PRKN: variants seen among roughly 807,000 people sequenced by gnomAD.
PRKN encodes parkin RBR E3 ubiquitin protein ligase, also known as E3 ubiquitin-protein ligase parkin.
Under a neutral mutation model 59.5 loss-of-function variants are expected in PRKN, and 56 were observed. That is an observed-to-expected ratio of 0.94 (90% confidence interval 0.76 to 1.18). The LOEUF is 1.18. Among genes scored for constraint, PRKN ranks in the 50% most tolerant of loss-of-function variants. PRKN has a pLI of 0.00. For synonymous variants in PRKN, 250 were observed against 222.1 expected (o/e 1.13, Z -1.12); for missense variants, 657 against 596.4 (o/e 1.10, Z -1.06).
chr6:162,154,886 C>T (rs1031713057), intron 4 of PRKN, among the ~76,000 whole-genome samples: 1 of 150,962 alleles, frequency 6.6e-6, no homozygotes, highest in African/African-American at 2.4e-5. Flanking sequence ...TTCTCTCTCA[C>T]CAGTATAAAA....
chr6:162,147,189 A>G (rs1038251941), intron 4 of PRKN, among the ~76,000 whole-genome samples: 1 of 151,296 alleles, frequency 6.6e-6, no homozygotes, highest in African/African-American at 2.4e-5. Flanking sequence ...AAAAACACAA[A>G]AATTACCCAC....
chr6:162,698,714 C>T (rs1160307622), intron 1 of PRKN, among the ~76,000 whole-genome samples: 3 of 152,216 alleles, frequency 2.0e-5, no homozygotes, highest in African/African-American at 7.2e-5. Context: ...AGCATCTCTG[C>T]TTCTCTTCAC....
intron 6 of PRKN, among the ~76,000 whole-genome samples, chr6:161,939,038 A>G (rs920008873): frequency 6.6e-6 from 1 of 152,200 alleles, no homozygotes; most frequent in Non-Finnish European, 1.5e-5. Context: ...AAAGAAATCA[A>G]TATTAGGGGA....
At position 161,377,036 on chromosome 6, in the gene PRKN, T is replaced by G. The variant is rs141226591; in HGVS notation, c.1167+9758A>C. The stretch of plus-strand genomic sequence containing the variant: ...GAGCAAAGGGCAGGGTCAGGCGGCA[T>G]GCAAGCGCCCTGTCTCTGCGGCTGT... On this transcript the variant is annotated intron_variant, in intron 10 of 11. Coordinates refer to ENST00000366898, the MANE Select transcript of PRKN (RefSeq NM_004562.3). The surrounding 1 kb of genome is among the most constrained non-coding windows in gnomAD (Gnocchi z 4.2). Among the ~76,000 whole-genome samples, 223 of 152,336 alleles carry G rather than the reference T, an allele frequency of 1.5e-3. 1 individual carries two copies. The highest frequency in any genetic ancestry group is 5.3e-3 in the African/African-American group (220 of 41,590).
chr6:161,524,304 T>C (rs1562503810), intron 9 of PRKN, among the ~76,000 whole-genome samples: 1 of 152,224 alleles, frequency 6.6e-6, no homozygotes, highest in Non-Finnish European at 1.5e-5. Context: ...TAGAAAAAAA[T>C]TGTTTTGTGT....
rs190925369 is a variant in PRKN at position 162,486,405 on chromosome 6, T to C, written c.8-42932A>G. Reference sequence around the variant, plus strand: ...ACCACATTTTTTTCTTTTGGTGTCATGGTGTACCACACCACGTGCATATCA... The same window carrying C: ...ACCACATTTTTTTCTTTTGGTGTCACGGTGTACCACACCACGTGCATATCA... On this transcript the variant is annotated intron_variant, in intron 1 of 11. Transcript: ENST00000366898. 1.2e-3 allele frequency among the ~76,000 whole-genome samples: 177 copies of C among 152,346 alleles called. 1 individual carries two copies. The highest frequency in any genetic ancestry group is 2.0e-3 in the Non-Finnish European group (133 of 68,026).
At chr6:162,296,828 C>G (rs1179361946) in intron 2 of PRKN, among the ~76,000 whole-genome samples, 1 of 152,148 alleles carries the variant, frequency 6.6e-6, no homozygotes, top group Non-Finnish European at 1.5e-5. Context: ...ATGTCTTCAG[C>G]TACCCAAGGA....
chr6:161,795,747 T>C (rs1055366604), intron 6 of PRKN, among the ~76,000 whole-genome samples: 1 of 152,074 alleles, frequency 6.6e-6, no homozygotes, highest in African/African-American at 2.4e-5. Flanking sequence ...AGTCCAATGT[T>C]GGTCAGGCAC....
chr6:161,679,741 CTTTTTTTTTTTTTTTTT>C (rs745812196), intron 7 of PRKN, among the ~76,000 whole-genome samples: 3 of 23,484 alleles, frequency 1.3e-4, no homozygotes, highest in Non-Finnish European at 1.4e-4. Context: ...TCAGAGCCAG[CTTTTTTTTTTTTTTTTT>C]TTTTTTTTTT....
At chr6:161,800,338 T>C (rs74486181) in intron 6 of PRKN, among the ~76,000 whole-genome samples, 5,103 of 152,208 alleles carry the variant, frequency 0.034, 168 homozygotes, top group African/African-American at 0.083. Context: ...TTTTAGGAAA[T>C]CTCAGAATCA....
chr6:161,940,859 A>C (rs1954797), intron 6 of PRKN, among the ~76,000 whole-genome samples: 4,850 of 152,288 alleles, frequency 0.032, 257 homozygotes, highest in African/African-American at 0.11. Flanking sequence ...AGCCTCTTAG[A>C]GCTGGAACTA....
intron 5 of PRKN, among the ~76,000 whole-genome samples, chr6:162,038,596 T>A (rs1450528345): frequency 6.6e-6 from 1 of 152,214 alleles, no homozygotes; most frequent in Non-Finnish European, 1.5e-5. Context: ...TTCTCTACTG[T>A]CTGAGCTATT....
rs537922503 is a variant in PRKN, at chr6:161,990,958, A to G, written c.619-17541T>C. Among the ~76,000 whole-genome samples, 6 of 152,364 alleles carry G rather than the reference A, an allele frequency of 3.9e-5. No individual in the cohort carries two copies. In the East Asian group the frequency reaches 1.2e-3, roughly 29 times the overall value. ...GTCTTTTTCAAGGAACATTAGAGTC[A>G]GACTGTTAAAAGTTAAAGACAAACA... On this transcript the variant is annotated intron_variant, in intron 5 of 11. Coordinates refer to ENST00000366898, the MANE Select transcript of PRKN (RefSeq NM_004562.3).
chr6:162,699,671 A>G (rs184819395), intron 1 of PRKN, among the ~76,000 whole-genome samples: 1 of 152,184 alleles, frequency 6.6e-6, no homozygotes, highest in African/African-American at 2.4e-5. Context: ...AGAATGGTGA[A>G]GCCCTTCTTG....
At chr6:162,296,761 G>A (rs1460031925) in intron 2 of PRKN, among the ~76,000 whole-genome samples, 1 of 152,064 alleles carries the variant, frequency 6.6e-6, no homozygotes, top group African/African-American at 2.4e-5. Context: ...AAATTAAAAA[G>A]GGGAAGGAAA....
chr6:162,626,163 T>C (rs1782881820), intron 1 of PRKN, among the ~76,000 whole-genome samples: 2 of 152,232 alleles, frequency 1.3e-5, no homozygotes, highest in African/African-American at 4.8e-5. Context: ...ATATTTCTGG[T>C]AGATTTGGGG....
intron 2 of PRKN, among the ~76,000 whole-genome samples, chr6:162,344,226 C>T (rs1784304736): frequency 6.6e-6 from 1 of 152,040 alleles, no homozygotes; most frequent in African/African-American, 2.4e-5. Flanking sequence ...GAAATGCTCC[C>T]AATATTAGAT....
At chr6:161,629,951 G>C (rs546608831) in intron 7 of PRKN, among the ~76,000 whole-genome samples, 1 of 152,248 alleles carries the variant, frequency 6.6e-6, no homozygotes, top group South Asian at 2.1e-4. Flanking sequence ...CTAGCTTAAG[G>C]GTTTGTGAAA....
chr6:162,252,089 C>T (rs1277221392), intron 3 of PRKN, among the ~76,000 whole-genome samples: 2 of 152,052 alleles, frequency 1.3e-5, no homozygotes, highest in African/African-American at 4.8e-5. Flanking sequence ...GTCTAGGGCA[C>T]ATGAAAAGAA....
Sources: gnomAD v4.1 joint callset for allele counts (sites outside exome capture counted in the v4.1 genomes callset) on GRCh38, gnomAD v4.1.1 for gene constraint, Gnocchi (gnomAD v3.1) non-coding constraint, MANE v1.5 for transcripts, NCBI Gene and HGNC (gene_info 2026-07-23, HGNC 2026-07-21) for gene names.